The following BTC variants were observed in gnomAD, a reference collection of about 807,000 sequenced individuals.
BTC encodes the protein betacellulin, also known as probetacellulin.
A neutral mutation model predicts 18.1 loss-of-function variants in BTC; 13 were observed. The ratio of observed to expected loss-of-function variants is 0.72; its 90% CI spans 0.47 to 1.14. The LOEUF (loss-of-function observed/expected upper bound fraction) is 1.14. BTC is among the 50% of genes most tolerant of loss of function. The probability of loss-of-function intolerance (pLI) is 0.00; values close to 1 mark genes in which losing one functional copy is unlikely to be tolerated. For synonymous variants in BTC, 83 were observed against 79.4 expected, an observed-to-expected ratio of 1.05 and a Z score of -0.24; for missense variants, 247 against 224.2, an observed-to-expected ratio of 1.10 and a Z score of -0.65.
At chr4:74,747,151 T>C (rs370713350) in intron 5 of BTC, among the ~76,000 whole-genome samples, 26 of 152,256 alleles carry the variant, frequency 1.7e-4, no homozygotes, top group African/African-American at 6.3e-4. Context: ...TTGGATTTTA[T>C]GTTATTACAA....
At chr4:74,757,536 A>T (rs1553956851) in intron 2 of BTC, among the ~76,000 whole-genome samples, 1 of 152,266 alleles carries the variant, frequency 6.6e-6, no homozygotes, top group East Asian at 1.9e-4. Flanking sequence ...GTATTTTGAC[A>T]AATCAATTGA....
intron 1 of BTC, among the ~76,000 whole-genome samples, chr4:74,780,300 C>T (rs1231501117): frequency 1.3e-5 from 2 of 152,128 alleles, no homozygotes; most frequent in African/African-American, 4.8e-5. Context: ...GTATAGAAAA[C>T]CACTCACTAA....
intron 1 of BTC, among the ~76,000 whole-genome samples, chr4:74,771,003 G>A (rs1016194962): frequency 6.6e-6 from 1 of 151,708 alleles, no homozygotes; most frequent in Admixed American, 6.6e-5. Context: ...AATCCAACAT[G>A]AGAAGGAGGA....
intron 3 of BTC, among the ~76,000 whole-genome samples, chr4:74,754,901 A>T (rs1205170895): frequency 6.6e-6 from 1 of 151,368 alleles, no homozygotes; most frequent in Non-Finnish European, 1.5e-5. Context: ...GGGAGCAATT[A>T]AATGAATTTT....
At chr4:74,759,683 G>T (rs549987823) in intron 2 of BTC, among the ~76,000 whole-genome samples, 1 of 151,498 alleles carries the variant, frequency 6.6e-6, no homozygotes, top group Non-Finnish European at 1.5e-5. Context: ...AACCTTTAGG[G>T]TTACTGCACG....
chr4:74,793,713 G>GA (rs1351166489), intron 1 of BTC, among the ~76,000 whole-genome samples: 1 of 152,120 alleles, frequency 6.6e-6, no homozygotes, highest in African/African-American at 2.4e-5. Context: ...AGACCCTCTG[G>GA]AGGGCTCTAG....
At chr4:74,756,033 TA>T (rs1422404483) in intron 2 of BTC, 57 bp from the exon 3 acceptor site, 1 of 1,343,728 alleles carries the variant, frequency 7.4e-7, no homozygotes, top group African/African-American at 1.4e-5. Flanking sequence ...CACTTGTAAA[TA>T]GAATCATATT....
intron 4 of BTC, among the ~76,000 whole-genome samples, chr4:74,749,824 A>G (rs1258817862): frequency 2.0e-5 from 3 of 149,564 alleles, no homozygotes; most frequent in Non-Finnish European, 3.0e-5. Context: ...GACCAGGTAC[A>G]GTGGCTCACT....
chr4:74,761,115 T>A (rs1724745234), intron 2 of BTC, among the ~76,000 whole-genome samples: 1 of 141,002 alleles, frequency 7.1e-6, no homozygotes, highest in Non-Finnish European at 1.6e-5. Context: ...CTGCCCTTTT[T>A]CATCTAATCC....
chr4:74,750,688 C>A lies in BTC; in HGVS notation c.313G>T (p.Glu105Ter). 6.2e-7 allele frequency: 1 copy of A among 1,613,976 alleles called. No individual in the cohort carries two copies. The highest frequency in any genetic ancestry group is 8.5e-7 in the Non-Finnish European group (1 of 1,179,950). Residue 105 changes from glutamate to a stop codon, truncating the protein, a stop_gained, in exon 4 of 6, where the codon GAG (glutamate) becomes TAG (stop). Transcript: ENST00000395743. LOFTEE classifies it high-confidence loss of function. ...CTTAGGTAAAACAAGTCAACTCTCT[C>A]ACACCTTGCTCCAATGTAGCCTTCA... Reference protein sequence around the residue: ...CDEGYIGARCERVDLFYLRGD... With the variant: ...CDEGYIGARC
chr4:74,782,783 A>AAT (rs1248027672), intron 1 of BTC, among the ~76,000 whole-genome samples: 1 of 152,080 alleles, frequency 6.6e-6, no homozygotes, highest in Non-Finnish European at 1.5e-5. Context: ...ACTTCTTAAT[A>AAT]ATAGCCAATC....
intron 1 of BTC, among the ~76,000 whole-genome samples, chr4:74,780,647 A>G (rs1725293086): frequency 6.6e-6 from 1 of 152,218 alleles, no homozygotes; most frequent in Admixed American, 6.6e-5. Context: ...ATAGTAAGAT[A>G]TCAGTCCGTC....
intron 2 of BTC, among the ~76,000 whole-genome samples, chr4:74,765,851 G>A (rs936257461): frequency 6.6e-6 from 1 of 152,020 alleles, no homozygotes; most frequent in African/African-American, 2.4e-5. Flanking sequence ...TTAATGACAG[G>A]GATATGTTTG....
chr4:74,751,213 A>G (rs1724451203), intron 3 of BTC, among the ~76,000 whole-genome samples: 1 of 152,220 alleles, frequency 6.6e-6, no homozygotes, highest in African/African-American at 2.4e-5. Context: ...AATGTTCCAT[A>G]AACGTTAGAT....
rs1039155018 is a variant in BTC at position 74,755,862 on chromosome 4, C to T, written c.278G>A (p.Cys93Tyr). The T allele has an allele frequency of 3.7e-6, 6 of 1,613,890 alleles. No homozygotes were observed. The African/African-American group carries it at 4.0e-5, about 11-fold the overall frequency. ...RFVVAEQTPS[C>Y]VCDEGYIGAR... ...TGGCTGAGGACACTCCACTTACACA[C>T]AGGAGGGCGTCTGCTCGGCCACCAC... The change falls in exon 3 of 6, where the codon TGT becomes TAT. Residue 93 changes from cysteine (C) to tyrosine (Y), a missense_variant. By Grantham distance (194) the Cys-to-Tyr change is radical. Coordinates refer to ENST00000395743, the MANE Select transcript of BTC (RefSeq NM_001729.4).
rs1412782836 is a variant in BTC, at chr4:74,794,384, C to G, written c.-59G>C. On this transcript the variant is annotated 5_prime_UTR_variant, in exon 1 of 6. Transcript: ENST00000395743. ...ACAAGTCTCCCTCCTTCTTCGCCCCCTTCCCGGGCCTCGGGCGCCTGAGAG... is the reference window on the plus strand; with the variant it reads ...ACAAGTCTCCCTCCTTCTTCGCCCCGTTCCCGGGCCTCGGGCGCCTGAGAG... 3.4e-6 allele frequency: 5 copies of G among 1,453,138 alleles called. No individual in the cohort carries two copies. Among genetic ancestry groups the G allele is most frequent in the East Asian group, 2.7e-5 (1 of 37,122 alleles). The allele number at this position is 1,453,138 out of a possible 1,614,324, so 90.0% of individuals were successfully genotyped here.
chr4:74,755,811 G>T (rs1553956600), intron 3 of BTC, 48 bp downstream of exon 3: 3 of 1,541,136 alleles, frequency 1.9e-6, no homozygotes, highest in Middle Eastern at 1.7e-4. Flanking sequence ...ACCCAGGCGG[G>T]CACCATTCTG....
chr4:74,774,047 G>A (rs1725116466), intron 1 of BTC, among the ~76,000 whole-genome samples: 1 of 152,196 alleles, frequency 6.6e-6, no homozygotes, highest in Non-Finnish European at 1.5e-5. Context: ...AGTTCTTAAT[G>A]AGGAATAAAT....
chr4:74,760,607 T>A (rs1724726309), intron 2 of BTC, among the ~76,000 whole-genome samples: 2 of 152,210 alleles, frequency 1.3e-5, no homozygotes, highest in Admixed American at 6.5e-5. Context: ...TTGCATCCAA[T>A]GACATTTCCT....
Sources: gnomAD v4.1 joint callset for allele counts (sites outside exome capture counted in the v4.1 genomes callset) on GRCh38, gnomAD v4.1.1 for gene constraint, MANE v1.5 for transcripts, NCBI Gene and HGNC (gene_info 2026-07-23, HGNC 2026-07-21) for gene names.